Variants in NDUFA10 observed in about 807,000 individuals in gnomAD.
NDUFA10 encodes NADH:ubiquinone oxidoreductase subunit A10, also known as NADH dehydrogenase [ubiquinone] 1 alpha subcomplex subunit 10, mitochondrial.
NDUFA10 carries 40 observed loss-of-function variants against 47.8 expected under a neutral mutation model. The observed-to-expected ratio is 0.84, with a 90% confidence interval of 0.65 to 1.09. The LOEUF is 1.09. Ranked by LOEUF, NDUFA10 falls within the 50% of genes least tolerant of loss-of-function variation. NDUFA10 has a pLI of 0.00. For missense variants in NDUFA10, 413 were observed against 451.1 expected, an observed-to-expected ratio of 0.92 and a Z score of 0.76; for synonymous variants, 183 against 172.2, an observed-to-expected ratio of 1.06 and a Z score of -0.49.
intron 4 of NDUFA10, among the ~76,000 whole-genome samples, chr2:239,905,030 AC>A (rs1467687048): frequency 6.6e-6 from 1 of 152,174 alleles, no homozygotes; most frequent in Non-Finnish European, 1.5e-5. Context: ...AAAACCTTTA[AC>A]TGAGCTACAA....
At chr2:239,905,538 G>A (rs1330431584) in intron 4 of NDUFA10, among the ~76,000 whole-genome samples, 2 of 152,244 alleles carry the variant, frequency 1.3e-5, no homozygotes, top group Non-Finnish European at 2.9e-5. Flanking sequence ...GTTCTGCACT[G>A]AGCAATGCTG....
rs1574784271 is a variant in NDUFA10, at chr2:239,928,105, C to T, written c.295-32791G>A. ...ATCCCACATGGGAAAACAGCAGACC[C>T]CAGCACAGCCCCCACCACAAACGCG... is the stretch of plus-strand genomic sequence containing the variant. On this transcript the variant is annotated intron_variant, in intron 4 of 5. Coordinates refer to the NDUFA10 transcript ENST00000419408. The surrounding 1 kb of genome is among the most constrained non-coding windows in gnomAD (Gnocchi z 4.3). Among the ~76,000 whole-genome samples the T allele has an allele frequency of 6.6e-6, 1 of 152,052 alleles. No individual in the cohort carries two copies. Among genetic ancestry groups the T allele is most frequent in the African/African-American group, 2.4e-5 (1 of 41,412 alleles).
chr2:239,915,128 A>G (rs562026624), intron 4 of NDUFA10, among the ~76,000 whole-genome samples: 6 of 134,306 alleles, frequency 4.5e-5, no homozygotes, highest in Admixed American at 3.1e-4. Flanking sequence ...ACACACACAT[A>G]CACAGACACA....
intron 8 of NDUFA10, among the ~76,000 whole-genome samples, chr2:239,992,308 T>C (rs1696283491): frequency 6.6e-6 from 1 of 152,200 alleles, no homozygotes; most frequent in African/African-American, 2.4e-5. Context: ...GGTTACAATA[T>C]GAGGTGCTGG....
intron 9 of NDUFA10, among the ~76,000 whole-genome samples, chr2:239,980,285 G>A (rs1574842443): frequency 1.3e-5 from 2 of 152,218 alleles, no homozygotes; most frequent in Non-Finnish European, 2.9e-5. Flanking sequence ...TGACACTGTC[G>A]GGCAGGGGGT....
At chr2:239,932,704 C>G (rs560597204) in intron 4 of NDUFA10, among the ~76,000 whole-genome samples, 5 of 152,068 alleles carry the variant, frequency 3.3e-5, no homozygotes, top group African/African-American at 1.2e-4. Flanking sequence ...CTCAGCCTCC[C>G]GAGTAGCTGG....
At chr2:239,994,790 C>G (rs1202626637) in intron 8 of NDUFA10, among the ~76,000 whole-genome samples, 1 of 152,068 alleles carries the variant, frequency 6.6e-6, no homozygotes, top group Middle Eastern at 3.2e-3. Context: ...TACAAACACA[C>G]ACACAAATAT....
At chr2:240,003,169 C>T (rs993206936) in intron 8 of NDUFA10, among the ~76,000 whole-genome samples, 2 of 152,176 alleles carry the variant, frequency 1.3e-5, no homozygotes, top group Non-Finnish European at 2.9e-5. Flanking sequence ...ATTACACATT[C>T]TGTTTACATT....
At chr2:239,990,690 G>T (rs911288996) in intron 8 of NDUFA10, among the ~76,000 whole-genome samples, 1 of 152,132 alleles carries the variant, frequency 6.6e-6, no homozygotes, top group Non-Finnish European at 1.5e-5. Context: ...ACATAGGATG[G>T]TCTGTTGTAC....
Position 239,958,473 on chromosome 2 carries a change from G to C in NDUFA10, c.*2645C>G, listed in dbSNP as rs548203428. The C allele has an allele frequency of 1.3e-5, 2 of 152,246 alleles. No homozygotes were observed. Among genetic ancestry groups the C allele is most frequent in the Admixed American group, 1.3e-4 (2 of 15,282 alleles). The allele number at this position is 152,246 out of a possible 1,614,324, so 9.4% of individuals were successfully genotyped here. On this transcript the variant is annotated 3_prime_UTR_variant, in exon 10 of 10. Transcript: ENST00000252711. ...CCACCACGAATTCAATTGAAGCGGC[G>C]TAACTGAAGGTCCCTGGGTCCACCT...
At chr2:239,951,345 A>AG (rs1694548719) in intron 4 of NDUFA10, among the ~76,000 whole-genome samples, 1 of 152,232 alleles carries the variant, frequency 6.6e-6, no homozygotes, top group Non-Finnish European at 1.5e-5. Flanking sequence ...AGAGGACAGC[A>AG]GGGGGAGAGA....
intron 8 of NDUFA10, among the ~76,000 whole-genome samples, chr2:240,004,477 C>T (rs1696858087): frequency 6.7e-6 from 1 of 148,242 alleles, no homozygotes; most frequent in African/African-American, 2.6e-5. Context: ...ACCAAACGCA[C>T]CAAGACCTAT....
rs1426526528 is a variant in NDUFA10, at chr2:239,941,292, G to A, written c.295-45978C>T. Among the ~76,000 whole-genome samples the A allele has an allele frequency of 2.6e-5, 4 of 152,178 alleles. No individual in the cohort carries two copies. In the East Asian group the frequency reaches 7.7e-4, roughly 29 times the overall value. Reference sequence around the variant, plus strand: ...GGGAATGCTGGCCTCCCTGGACAAGGGCAATGGGAGTGGCACATAGGGTAA... The same window carrying A: ...GGGAATGCTGGCCTCCCTGGACAAGAGCAATGGGAGTGGCACATAGGGTAA... On this transcript the variant is annotated intron_variant, in intron 4 of 5. Coordinates refer to the NDUFA10 transcript ENST00000419408.
At chr2:239,951,580 G>A (rs753139049) in intron 4 of NDUFA10, among the ~76,000 whole-genome samples, 5 of 152,174 alleles carry the variant, frequency 3.3e-5, no homozygotes, top group Middle Eastern at 3.2e-3. Context: ...AGGATGTGCC[G>A]GACACTGAGA....
chr2:239,967,567 G>A (rs555012198), intron 9 of NDUFA10, among the ~76,000 whole-genome samples: 2 of 152,318 alleles, frequency 1.3e-5, no homozygotes, highest in African/African-American at 2.4e-5. Flanking sequence ...CTGAGTCCAC[G>A]ACGTGGTTTA....
chr2:239,957,100 C>T (rs1212677554), downstream of NDUFA10, among the ~76,000 whole-genome samples: 1 of 152,222 alleles, frequency 6.6e-6, no homozygotes, highest in Non-Finnish European at 1.5e-5. Flanking sequence ...CAGACACCCC[C>T]CTCCACTGCG....
At chr2:239,897,272 A>G (rs1329767303) in intron 4 of NDUFA10, among the ~76,000 whole-genome samples, 1 of 152,240 alleles carries the variant, frequency 6.6e-6, no homozygotes, top group Non-Finnish European at 1.5e-5. Flanking sequence ...TAATTATTCA[A>G]GTTTTTATTT....
intron 4 of NDUFA10, among the ~76,000 whole-genome samples, chr2:239,918,049 C>T (rs1693906436): frequency 6.6e-6 from 1 of 152,140 alleles, no homozygotes; most frequent in African/African-American, 2.4e-5. Context: ...CCTGGGCTGT[C>T]CAGGTGGGCC....
intron 5 of NDUFA10, chr2:240,012,644 G>A (rs112289977): frequency 9.1e-4 from 138 of 152,280 alleles, no homozygotes; most frequent in Middle Eastern, 3.4e-3. Context: ...TGAATTTTAT[G>A]GAGCATAAAT....
Sources: allele counts gnomAD v4.1 joint callset (sites outside exome capture counted in the v4.1 genomes callset), GRCh38; gene constraint gnomAD v4.1.1; non-coding constraint Gnocchi (gnomAD v3.1); transcripts MANE v1.5; gene names NCBI Gene and HGNC (gene_info 2026-07-23, HGNC 2026-07-21).